The following ARIH1 variants were observed in gnomAD, a reference collection of about 807,000 sequenced individuals.
ARIH1 encodes ariadne RBR E3 ubiquitin protein ligase 1.
ARIH1 carries 8 observed loss-of-function variants against 85.0 expected under a neutral mutation model. The observed-to-expected ratio is 0.09, with a 90% CI of 0.06 to 0.17. The LOEUF (loss-of-function observed/expected upper bound fraction) is 0.17, where lower values mean the gene tolerates loss of function less well. ARIH1 is among the 10% of genes least tolerant of loss of function. ARIH1 has a pLI of 1.00. For missense variants in ARIH1, 311 were observed against 718.1 expected (o/e 0.43, Z 6.48); for synonymous variants, 238 against 253.6 (o/e 0.94, Z 0.59).
At chr15:72,558,642 A>T (rs2064185056) in intron 5 of ARIH1, among the ~76,000 whole-genome samples, 1 of 152,206 alleles carries the variant, frequency 6.6e-6, no homozygotes, top group Non-Finnish European at 1.5e-5. Context: ...AATCTTTGTC[A>T]AGAGAATTGT....
At chr15:72,580,512 A>C in intron 11 of ARIH1, 1 of 523,148 alleles carries the variant, frequency 1.9e-6, no homozygotes, top group Non-Finnish European at 3.3e-6. Context: ...TCCCCATACC[A>C]TTTTCCATAA....
chr15:72,545,682 A>T (rs1264710620), intron 3 of ARIH1, among the ~76,000 whole-genome samples: 1 of 152,178 alleles, frequency 6.6e-6, no homozygotes, highest in Non-Finnish European at 1.5e-5. Context: ...CAAAAAAATT[A>T]TCCTGGCATG....
chr15:72,531,363 G>C (rs1463673647), intron 2 of ARIH1, among the ~76,000 whole-genome samples: 1 of 152,128 alleles, frequency 6.6e-6, no homozygotes, highest in Non-Finnish European at 1.5e-5. Flanking sequence ...CACCTCCCGG[G>C]TTCAAGGCAT....
chr15:72,567,380 A>G (rs780841676), intron 9 of ARIH1, among the ~76,000 whole-genome samples: 1 of 150,870 alleles, frequency 6.6e-6, no homozygotes, highest in Non-Finnish European at 1.5e-5. Context: ...GTACTGTAGT[A>G]CAGCATCCAC....
rs1237854354 is a variant in ARIH1, at chr15:72,588,734, G to A, written c.*5442G>A. On this transcript the variant is annotated 3_prime_UTR_variant, in exon 14 of 14. Coordinates refer to ENST00000379887, the MANE Select transcript of ARIH1 (RefSeq NM_005744.5). ...AATTTGGTTTTTTGTTGGTTTTCTG[G>A]TAAGTGGTCCACCTTGGAGAAAATC... 6.6e-6 allele frequency: 1 copy of A among 152,112 alleles called. No individual in the cohort carries two copies. The highest frequency in any genetic ancestry group is 2.4e-5 in the African/African-American group (1 of 41,404). The allele number at this position is 152,112 out of a possible 1,614,324, so 9.4% of individuals were successfully genotyped here. A position where few individuals can be genotyped will look rare whatever the true frequency, so the allele number is the denominator to read the frequency against.
At chr15:72,546,344 A>T (rs982758508) in intron 3 of ARIH1, among the ~76,000 whole-genome samples, 2 of 152,196 alleles carry the variant, frequency 1.3e-5, no homozygotes, top group Non-Finnish European at 2.9e-5. Flanking sequence ...AAAATAAAGT[A>T]CTCTTAGAGA....
chr15:72,546,099 G>C (rs1356218921), intron 3 of ARIH1, among the ~76,000 whole-genome samples: 1 of 152,114 alleles, frequency 6.6e-6, no homozygotes, highest in Non-Finnish European at 1.5e-5. Context: ...CTATTCACAG[G>C]CACAGTCAGT....
At chr15:72,499,600 G>T (rs763332086) in intron 1 of ARIH1, among the ~76,000 whole-genome samples, 9 of 152,132 alleles carry the variant, frequency 5.9e-5, no homozygotes, top group Non-Finnish European at 1.2e-4. Flanking sequence ...AAATATCAAT[G>T]ACATTCTAAG....
At chr15:72,488,138 C>T (rs914778064) in intron 1 of ARIH1, among the ~76,000 whole-genome samples, 2 of 152,166 alleles carry the variant, frequency 1.3e-5, no homozygotes, top group African/African-American at 4.8e-5. Flanking sequence ...TGGGCTCAAG[C>T]GATCCTCCCA....
At chr15:72,495,614 A>G (rs968489420) in intron 1 of ARIH1, among the ~76,000 whole-genome samples, 9 of 152,216 alleles carry the variant, frequency 5.9e-5, no homozygotes, top group African/African-American at 2.2e-4. Flanking sequence ...TTCCTTAAAC[A>G]TGTAGCATGG....
intron 1 of ARIH1, among the ~76,000 whole-genome samples, chr15:72,491,702 T>C (rs996213076): frequency 6.6e-6 from 1 of 152,226 alleles, no homozygotes; most frequent in Non-Finnish European, 1.5e-5. Context: ...TACTTTTTGC[T>C]CTTAACCAGT....
At chr15:72,494,839 AAC>A (rs921684338) in intron 1 of ARIH1, among the ~76,000 whole-genome samples, 23 of 151,812 alleles carry the variant, frequency 1.5e-4, no homozygotes, top group African/African-American at 5.3e-4. Flanking sequence ...AAAAAAAAAA[AAC>A]TTAGTGATTA....
Position 72,474,711 on chromosome 15 carries a change from C to T in ARIH1, c.72C>T (p.Ala24=), listed in dbSNP as rs192648643. The change falls in exon 1 of 14, where the codon GCC becomes GCT. Residue 24 remains alanine (A), a synonymous_variant. Transcript: ENST00000379887. ...AGTGCAGTGAGGAGGACAGCGGCGC[C>T]GAGGAGGAGGAGGACGAAGACGACG... is the stretch of plus-strand genomic sequence containing the variant. ...DEECSEEDSG[A]EEEEDEDDDE... 31 of 1,564,808 alleles carry T rather than the reference C, an allele frequency of 2.0e-5. No individual in the cohort carries two copies. The East Asian group carries it at 7.7e-4, about 39-fold the overall frequency.
intron 1 of ARIH1, among the ~76,000 whole-genome samples, chr15:72,514,252 ATTGT>A (rs1411408106): frequency 2.0e-5 from 3 of 151,926 alleles, no homozygotes; most frequent in East Asian, 1.9e-4. Flanking sequence ...GGCCTGAGAG[ATTGT>A]TTGTTTTTAA....
chr15:72,479,128 T>A (rs2140389499), intron 1 of ARIH1, among the ~76,000 whole-genome samples: 1 of 152,188 alleles, frequency 6.6e-6, no homozygotes, highest in Non-Finnish European at 1.5e-5. Flanking sequence ...AATCCAAAAC[T>A]TTTTGAGCAC....
intron 12 of ARIH1, among the ~76,000 whole-genome samples, 196 bp downstream of exon 12, chr15:72,581,187 C>T (rs1381655893): frequency 6.6e-6 from 1 of 152,108 alleles, no homozygotes; most frequent in Admixed American, 6.5e-5. Context: ...GTTTAGCCAG[C>T]TAGTGATTAG....
chr15:72,568,753 TG>T (rs1475842719), intron 9 of ARIH1, among the ~76,000 whole-genome samples: 2 of 152,176 alleles, frequency 1.3e-5, no homozygotes, highest in Non-Finnish European at 2.9e-5. Flanking sequence ...TTTGCTTGTT[TG>T]GAAAAAATGT....
At chr15:72,506,829 A>G (rs892307253) in intron 1 of ARIH1, among the ~76,000 whole-genome samples, 1 of 152,062 alleles carries the variant, frequency 6.6e-6, no homozygotes, top group African/African-American at 2.4e-5. Flanking sequence ...ACTGGAATAA[A>G]AAAGTGGTTT....
At position 72,587,622 on chromosome 15, in the gene ARIH1, T is replaced by A. The variant is rs1287573503; in HGVS notation, c.*4330T>A. The A allele has an allele frequency of 6.5e-6, 1 of 153,768 alleles. No individual in the cohort carries two copies. Among genetic ancestry groups the A allele is most frequent in the African/African-American group, 2.4e-5 (1 of 41,456 alleles). The allele number at this position is 153,768 out of a possible 1,614,324, so 9.5% of individuals were successfully genotyped here. Reference sequence around the variant, plus strand: ...TAAAAAGATGATAAGCAGTGAGTTTTATGAGAAAATTTTGGCTCCTTCAGA... The same window carrying A: ...TAAAAAGATGATAAGCAGTGAGTTTAATGAGAAAATTTTGGCTCCTTCAGA... On this transcript the variant is annotated 3_prime_UTR_variant, in exon 14 of 14. Coordinates refer to ENST00000379887, the MANE Select transcript of ARIH1 (RefSeq NM_005744.5).
Sources: gnomAD v4.1 joint callset for allele counts (sites outside exome capture counted in the v4.1 genomes callset) on GRCh38, gnomAD v4.1.1 for gene constraint, MANE v1.5 for transcripts, NCBI Gene and HGNC (gene_info 2026-07-23, HGNC 2026-07-21) for gene names.